Variants in CPN2 observed in about 807,000 individuals in gnomAD.
CPN2 encodes carboxypeptidase N 83 kDa chain.
For missense variants in CPN2, 620 were observed against 671.4 expected (o/e 0.92, Z 0.85); for synonymous variants, 336 against 318.4 (o/e 1.06, Z -0.59).
chr3:194,340,882 G>A lies in CPN2; in HGVS notation c.*183C>T. 2.2e-6 allele frequency: 2 copies of A among 918,074 alleles called. No individual in the cohort carries two copies. The highest frequency in any genetic ancestry group is 3.1e-6 in the Non-Finnish European group (2 of 635,498). 56.9% of individuals were successfully genotyped at this position (918,074 alleles called of 1,614,324 possible). A position where few individuals can be genotyped will look rare whatever the true frequency, so the allele number is the denominator to read the frequency against. On this transcript the variant is annotated 3_prime_UTR_variant, in exon 2 of 2. Coordinates refer to ENST00000323830, the MANE Select transcript of CPN2 (RefSeq NM_001080513.4). ...GCACACTCCAGGAGAAGCGATGAAG[G>A]AAGAGGAGGAGGAGACCCTGGTTAG...
chr3:194,341,151 T>C lies in CPN2; in HGVS notation c.1552A>G (p.Asn518Asp). 6.2e-7 allele frequency: 1 copy of C among 1,613,484 alleles called. No homozygotes were observed. Among genetic ancestry groups the C allele is most frequent in the Non-Finnish European group, 8.5e-7 (1 of 1,179,958 alleles). The change falls in exon 2 of 2, where the codon AAT becomes GAT. Residue 518 changes from asparagine to aspartate, a missense_variant. Transcript: ENST00000323830. ...CTCAGGTCCCACTCCTGACTAGCAT[T>C]GTACTGCAGTCCCAGGGAGCCCTGC... ...PQQGSLGLQY[N>D]ASQEWDLRSS... is the part of the protein sequence containing the mutation.
chr3:194,350,248 A>C (rs968335025), intron 1 of CPN2, among the ~76,000 whole-genome samples: 1 of 152,186 alleles, frequency 6.6e-6, no homozygotes, highest in Non-Finnish European at 1.5e-5. Context: ...GCACCCCAGC[A>C]CCTGGCTCGG....
At chr3:194,344,356 G>A (rs558699409) in intron 1 of CPN2, among the ~76,000 whole-genome samples, 1 of 152,312 alleles carries the variant, frequency 6.6e-6, no homozygotes, top group Non-Finnish European at 1.5e-5. Context: ...TTGGGGAGGC[G>A]GTAAGGAAAA....
chr3:194,347,337 T>C lies in CPN2; in HGVS notation c.-4+3905A>G, dbSNP rs556283194. Among the ~76,000 whole-genome samples the C allele has an allele frequency of 1.8e-3, 278 of 152,158 alleles. 2 individuals are homozygous for C. Among genetic ancestry groups the C allele is most frequent in the Non-Finnish European group, 3.3e-3 (223 of 67,986 alleles). ...CATCCACCACAGAGCTAAGCCTCAC[T>C]TCTTCCAGAGGGTGATGGGACCTAG... On this transcript the variant is annotated intron_variant, in intron 1 of 1. Coordinates refer to ENST00000323830, the MANE Select transcript of CPN2 (RefSeq NM_001080513.4).
chr3:194,341,256 A>G lies in CPN2; in HGVS notation c.1447T>C (p.Tyr483His), dbSNP rs1030834037. 6.2e-7 allele frequency: 1 copy of G among 1,613,446 alleles called. No homozygotes were observed. The highest frequency in any genetic ancestry group is 1.7e-5 in the Admixed American group (1 of 60,032). The change falls in exon 2 of 2, where the codon TAC becomes CAC. Residue 483 changes from tyrosine (Y) to histidine (H), a missense_variant. Transcript: ENST00000323830. ...QERAARSQCT[Y>H]SNPEGTVVLA... ...ACCACGGTGCCCTCGGGGTTGCTGT[A>G]GGTGCACTGGCTCCGGGCTGCCCTT...
chr3:194,344,620 G>C (rs1270529458), intron 1 of CPN2, among the ~76,000 whole-genome samples: 1 of 152,166 alleles, frequency 6.6e-6, no homozygotes, highest in African/African-American at 2.4e-5. Context: ...GCTTGAACCC[G>C]GGTGGCAGAG....
intron 1 of CPN2, among the ~76,000 whole-genome samples, chr3:194,348,581 TCTCTGCTATGTTTAAAATTATATTACAGG>T: frequency 6.6e-6 from 1 of 152,328 alleles, no homozygotes; most frequent in Admixed American, 6.5e-5. Context: ...ATGGAAACCC[TCTCTGCTATGTTTAAAATTATATTACAGG>T]CTGGGTTCAG....
chr3:194,343,540 G>A (rs1712940967), intron 1 of CPN2, among the ~76,000 whole-genome samples: 1 of 152,250 alleles, frequency 6.6e-6, no homozygotes, highest in South Asian at 2.1e-4. Context: ...CTGGGGCATC[G>A]TGGCCCCTGC....
intron 1 of CPN2, among the ~76,000 whole-genome samples, chr3:194,348,776 C>T (rs923769272): frequency 6.6e-6 from 1 of 152,080 alleles, no homozygotes; most frequent in African/African-American, 2.4e-5. Flanking sequence ...CTTGTAGTCT[C>T]AACTACTCGA....
At chr3:194,349,643 A>C (rs932697606) in intron 1 of CPN2, among the ~76,000 whole-genome samples, 1 of 152,072 alleles carries the variant, frequency 6.6e-6, no homozygotes, top group Admixed American at 6.5e-5. Context: ...TAGCTTCTGG[A>C]AGAGAAGACA....
chr3:194,348,979 G>A (rs1427832161), intron 1 of CPN2, among the ~76,000 whole-genome samples: 1 of 152,228 alleles, frequency 6.6e-6, no homozygotes, highest in East Asian at 1.9e-4. Context: ...AATATCTTAA[G>A]TGAAATATAT....
At chr3:194,347,659 ACCCCATCCGCTGCCCAGTTCAGCCC>A (rs1713096149) in intron 1 of CPN2, among the ~76,000 whole-genome samples, 2 of 82,508 alleles carry the variant, frequency 2.4e-5, no homozygotes, top group African/African-American at 5.6e-5. Flanking sequence ...AGTTCAGCCC[ACCCCATCCGCTGCCCAGTTCAGCCC>A]ACCCCACCCT....
rs1712728378 is a variant in CPN2 at position 194,339,836 on chromosome 3, G to A, written c.*1229C>T. 1 of 152,234 alleles carries A rather than the reference G, an allele frequency of 6.6e-6. No homozygotes were observed. Among genetic ancestry groups the A allele is most frequent in the African/African-American group, 2.4e-5 (1 of 41,458 alleles). 9.4% of individuals were successfully genotyped at this position (152,234 alleles called of 1,614,324 possible). A position where few individuals can be genotyped will look rare whatever the true frequency, so the allele number is the denominator to read the frequency against. ...GGCCCGTGACACAGACCTCAGGAGG[G>A]CCTGGGAACATGTGCCCAAGGTGGT... is the stretch of plus-strand genomic sequence containing the variant. On this transcript the variant is annotated 3_prime_UTR_variant, in exon 2 of 2. Transcript: ENST00000323830.
At chr3:194,350,093 C>A (rs536295647) in intron 1 of CPN2, among the ~76,000 whole-genome samples, 1 of 152,182 alleles carries the variant, frequency 6.6e-6, no homozygotes, top group Admixed American at 6.5e-5. Flanking sequence ...TGAGCCACCG[C>A]GCTCGGCCCT....
chr3:194,346,648 C>A (rs7613721), intron 1 of CPN2, among the ~76,000 whole-genome samples: 46,013 of 152,148 alleles, frequency 0.3, 7,450 homozygotes, highest in African/African-American at 0.39. Flanking sequence ...CCTCCTCTTC[C>A]AAACAATGAG....
In CPN2 at chr3:194,349,080, G is replaced by A. The variant is rs187725422; in HGVS notation, c.-4+2162C>T. On this transcript the variant is annotated intron_variant, in intron 1 of 1. Coordinates refer to ENST00000323830, the MANE Select transcript of CPN2 (RefSeq NM_001080513.4). ...TTATGTACAAAATATTTGTGGTGGG[G>A]TCTGGCACTGTGGCTCACACCTGTA... Among the ~76,000 whole-genome samples the A allele has an allele frequency of 2.1e-3, 326 of 152,230 alleles. 1 individual carries two copies. Among genetic ancestry groups the A allele is most frequent in the Non-Finnish European group, 3.6e-3 (246 of 68,024 alleles).
At position 194,340,948 on chromosome 3, in the gene CPN2, A is replaced by G. The variant is rs1381391285; in HGVS notation, c.*117T>C. On this transcript the variant is annotated 3_prime_UTR_variant, in exon 2 of 2. Coordinates refer to ENST00000323830, the MANE Select transcript of CPN2 (RefSeq NM_001080513.4). Reference sequence around the variant, plus strand: ...TCCACCCCCTCACCTTGGGGATGTAACCCTGTCCCTTGCATGTGAAAAGCC... The same window carrying G: ...TCCACCCCCTCACCTTGGGGATGTAGCCCTGTCCCTTGCATGTGAAAAGCC... 1.4e-6 allele frequency: 2 copies of G among 1,416,842 alleles called. No individual in the cohort carries two copies. Among genetic ancestry groups the G allele is most frequent in the East Asian group, 5.0e-5 (2 of 39,908 alleles). 87.8% of individuals were successfully genotyped at this position (1,416,842 alleles called of 1,614,324 possible).
At position 194,341,308 on chromosome 3, in the gene CPN2, C is replaced by G. The variant is rs1449943465; in HGVS notation, c.1395G>C (p.Gly465=). 4.3e-6 allele frequency: 7 copies of G among 1,613,676 alleles called. No individual in the cohort carries two copies. Among genetic ancestry groups the G allele is most frequent in the Non-Finnish European group, 5.9e-6 (7 of 1,179,998 alleles). Residue 465 remains glycine (G), a synonymous_variant, in exon 2 of 2, where the codon GGG becomes GGC. Transcript: ENST00000323830. ...QVTWPDESKA[G]GSWDLAVQER... ...CCTGCACAGCCAGATCCCAGCTGCC[C>G]CCTGCCTTGCTTTCGTCCGGCCACG...
At chr3:194,343,781 G>A (rs902605064) in intron 1 of CPN2, among the ~76,000 whole-genome samples, 5 of 152,188 alleles carry the variant, frequency 3.3e-5, no homozygotes, top group Non-Finnish European at 7.3e-5. Flanking sequence ...GATTAAGTGA[G>A]TATATATAGG....
Sources: allele counts gnomAD v4.1 joint callset (sites outside exome capture counted in the v4.1 genomes callset), GRCh38; gene constraint gnomAD v4.1.1; transcripts MANE v1.5; gene names NCBI Gene and HGNC (gene_info 2026-07-23, HGNC 2026-07-21).